The following CDS1 variants were observed in gnomAD, a reference collection of about 807,000 sequenced individuals.
The protein encoded by CDS1 is phosphatidate cytidylyltransferase 1.
A neutral mutation model predicts 62.1 loss-of-function variants in CDS1; 41 were observed. The observed-to-expected ratio is 0.66, with a 90% CI of 0.51 to 0.86. CDS1 has a LOEUF of 0.86. Ranked by LOEUF, CDS1 falls within the 40% of genes least tolerant of loss-of-function variation. The probability of loss-of-function intolerance (pLI) is 0.00; values close to 1 mark genes in which losing one functional copy is unlikely to be tolerated. For missense variants in CDS1, 470 were observed against 550.1 expected (o/e 0.85, Z 1.46); for synonymous variants, 185 against 192.6 (o/e 0.96, Z 0.32).
chr4:84,650,448 C>T lies in CDS1; in HGVS notation c.*1762C>T, dbSNP rs1330182116. 1.3e-5 allele frequency: 2 copies of T among 152,190 alleles called. No individual in the cohort carries two copies. Among genetic ancestry groups the T allele is most frequent in the African/African-American group, 2.4e-5 (1 of 41,450 alleles). The allele number at this position is 152,190 out of a possible 1,614,324, so 9.4% of individuals were successfully genotyped here. On this transcript the variant is annotated 3_prime_UTR_variant, in exon 13 of 13. Transcript: ENST00000295887. Reference sequence around the variant, plus strand: ...TCTCATGTTTTTATTTGTCCCATTACAGCCTCAAATGTTGGTCATAAAAAA... The same window carrying T: ...TCTCATGTTTTTATTTGTCCCATTATAGCCTCAAATGTTGGTCATAAAAAA...
Position 84,648,906 on chromosome 4 carries a change from A to G in CDS1, c.*220A>G, listed in dbSNP as rs1030938578. The G allele has an allele frequency of 5.1e-5, 21 of 412,662 alleles. No individual in the cohort carries two copies. Among genetic ancestry groups the G allele is most frequent in the African/African-American group, 3.2e-4 (16 of 49,258 alleles). The allele number at this position is 412,662 out of a possible 1,614,324, so 25.6% of individuals were successfully genotyped here. A position where few individuals can be genotyped will look rare whatever the true frequency, so the allele number is the denominator to read the frequency against. ...CAGCAAAATGTCTTGTACCTTTTCT[A>G]AAGTGTATTTTCTGATGTGAACTTC... is the stretch of plus-strand genomic sequence containing the variant. On this transcript the variant is annotated 3_prime_UTR_variant, in exon 13 of 13. Coordinates refer to ENST00000295887, the MANE Select transcript of CDS1 (RefSeq NM_001263.4).
intron 1 of CDS1, among the ~76,000 whole-genome samples, chr4:84,602,895 C>T (rs1004371208): frequency 6.6e-6 from 1 of 152,004 alleles, no homozygotes; most frequent in Non-Finnish European, 1.5e-5. Context: ...TTCTATTTCT[C>T]ATTTGTAATT....
intron 9 of CDS1, 40 bp from the exon 10 acceptor site, chr4:84,640,793 TTTTGC>T (rs1724355247): frequency 6.9e-7 from 1 of 1,440,890 alleles, no homozygotes; most frequent in Non-Finnish European, 9.2e-7. Flanking sequence ...TGTTATGAAC[TTTTGC>T]TTTGTTTTTT....
chr4:84,641,054 T>G, intron 10 of CDS1, 64 bp downstream of exon 10: 1 of 994,820 alleles, frequency 1.0e-6, no homozygotes, highest in South Asian at 3.5e-5. Flanking sequence ...AAGCTTCCTT[T>G]ATTATTTATT....
chr4:84,589,960 G>A (rs1000938185), intron 1 of CDS1, among the ~76,000 whole-genome samples: 5 of 152,142 alleles, frequency 3.3e-5, no homozygotes, highest in Non-Finnish European at 7.3e-5. Flanking sequence ...ACAGGCACCC[G>A]CCACCACGCC....
At chr4:84,635,630 C>G (rs1485586247) in intron 8 of CDS1, among the ~76,000 whole-genome samples, 1 of 61,282 alleles carries the variant, frequency 1.6e-5, no homozygotes, top group African/African-American at 6.7e-5. Flanking sequence ...TGCCTGCCTT[C>G]CTTCCTTCCT....
At chr4:84,625,802 T>C (rs1009790098) in intron 5 of CDS1, among the ~76,000 whole-genome samples, 2 of 151,782 alleles carry the variant, frequency 1.3e-5, no homozygotes, top group Admixed American at 6.6e-5. Flanking sequence ...AGGAAGTTAC[T>C]ACTGTAATCC....
chr4:84,607,771 A>G (rs964922199), intron 2 of CDS1, among the ~76,000 whole-genome samples: 2 of 152,136 alleles, frequency 1.3e-5, no homozygotes, highest in Admixed American at 6.5e-5. Flanking sequence ...TGTGCTTAGA[A>G]TACACTGCAT....
chr4:84,649,938 A>G lies in CDS1; in HGVS notation c.*1252A>G, dbSNP rs2148663837. ...GAGTAAATTTCTTATCCGTGGACGT[A>G]TGTAAGCTACTGCTGCTGTGTGCTC... On this transcript the variant is annotated 3_prime_UTR_variant, in exon 13 of 13. Transcript: ENST00000295887. 6.6e-6 allele frequency: 1 copy of G among 152,346 alleles called. No homozygotes were observed. Among genetic ancestry groups the G allele is most frequent in the East Asian group, 1.9e-4 (1 of 5,182 alleles). 9.4% of individuals were successfully genotyped at this position (152,346 alleles called of 1,614,324 possible).
chr4:84,588,610 T>G (rs1722487962), intron 1 of CDS1, among the ~76,000 whole-genome samples: 1 of 151,980 alleles, frequency 6.6e-6, no homozygotes, highest in Non-Finnish European at 1.5e-5. Context: ...TGCTGATTGG[T>G]TGGGGAGGCA....
At chr4:84,609,339 G>A (rs1465569589) in intron 2 of CDS1, 90 bp from the exon 3 acceptor site, 3 of 796,962 alleles carry the variant, frequency 3.8e-6, no homozygotes, top group African/African-American at 3.4e-5. Flanking sequence ...TTATAGTTAA[G>A]GAAAATTCAT....
At chr4:84,597,560 G>A (rs897096443) in intron 1 of CDS1, among the ~76,000 whole-genome samples, 1 of 152,042 alleles carries the variant, frequency 6.6e-6, no homozygotes, top group Non-Finnish European at 1.5e-5. Flanking sequence ...GATCGCTTGA[G>A]CCTGGGACGG....
Position 84,645,188 on chromosome 4 carries a change from G to A in CDS1, c.1153-34G>A, listed in dbSNP as rs1283081032. ...GGAATTTTATAGCAGGTGATTTTTT[G>A]AAAATTTGCTAATATATTTGTTTGT... On this transcript the variant is annotated intron_variant, in intron 11 of 12. Transcript: ENST00000295887. The A allele has an allele frequency of 2.1e-6, 3 of 1,430,296 alleles. No individual in the cohort carries two copies. The African/African-American group carries it at 4.2e-5, about 20-fold the overall frequency. The allele number at this position is 1,430,296 out of a possible 1,614,324, so 88.6% of individuals were successfully genotyped here.
intron 8 of CDS1, 25 bp downstream of exon 8, chr4:84,635,376 G>A (rs1470232211): frequency 6.5e-6 from 7 of 1,071,954 alleles, no homozygotes; most frequent in Non-Finnish European, 1.0e-5. Context: ...TTATAAGCAA[G>A]CCACTATGTA....
intron 1 of CDS1, among the ~76,000 whole-genome samples, chr4:84,602,107 T>A (rs941971694): frequency 2.0e-5 from 3 of 152,186 alleles, no homozygotes; most frequent in Non-Finnish European, 2.9e-5. Context: ...CAACAGAGTC[T>A]ATACATTAAA....
chr4:84,637,252 G>A (rs916604448), intron 8 of CDS1, among the ~76,000 whole-genome samples: 2 of 152,180 alleles, frequency 1.3e-5, no homozygotes, highest in African/African-American at 2.4e-5. Context: ...GTATTCAAGA[G>A]TTCTACCCAG....
At chr4:84,604,119 A>T (rs558871500) in intron 1 of CDS1, 124 bp from the exon 2 acceptor site, 1 of 757,012 alleles carries the variant, frequency 1.3e-6, no homozygotes, top group Non-Finnish European at 2.1e-6. Context: ...CAAGATAAAT[A>T]GTAGTTTCTT....
intron 8 of CDS1, among the ~76,000 whole-genome samples, chr4:84,636,203 G>A (rs1164914991): frequency 6.6e-6 from 1 of 152,116 alleles, no homozygotes; most frequent in Non-Finnish European, 1.5e-5. Flanking sequence ...TCTCAAAGAA[G>A]AGATTATATA....
chr4:84,635,048 T>G (rs1313695746), intron 7 of CDS1, among the ~76,000 whole-genome samples: 1 of 152,234 alleles, frequency 6.6e-6, no homozygotes, highest in Non-Finnish European at 1.5e-5. Context: ...TGCTAGTTTA[T>G]TTTTAGATTT....
Sources: allele counts gnomAD v4.1 joint callset (sites outside exome capture counted in the v4.1 genomes callset), GRCh38; gene constraint gnomAD v4.1.1; transcripts MANE v1.5; gene names NCBI Gene and HGNC (gene_info 2026-07-23, HGNC 2026-07-21).